KAZN: variants seen among roughly 807,000 people sequenced by gnomAD.
The protein encoded by KAZN is kazrin, periplakin interacting protein.
In KAZN, 40 loss-of-function variants were observed where a neutral mutation model predicts 87.4. The ratio of observed to expected loss-of-function variants is 0.46; its 90% CI spans 0.36 to 0.60. The LOEUF is 0.60. Among genes scored for constraint, KAZN ranks in the 20% least tolerant of loss-of-function variants. The probability of loss-of-function intolerance (pLI) is 0.00; values close to 1 mark genes in which losing one functional copy is unlikely to be tolerated. For missense variants in KAZN, 898 were observed against 1,073.9 expected (o/e 0.84, Z 2.29); for synonymous variants, 466 against 458.3 (o/e 1.02, Z -0.22).
chr1:14,415,047 A>T (rs1228959132), intron 2 of KAZN, among the ~76,000 whole-genome samples: 1 of 152,176 alleles, frequency 6.6e-6, no homozygotes, highest in Non-Finnish European at 1.5e-5. Context: ...ATACGTACGT[A>T]CATACATACA....
intron 2 of KAZN, among the ~76,000 whole-genome samples, chr1:14,228,447 C>T (rs992378792): frequency 6.6e-6 from 1 of 152,166 alleles, no homozygotes; most frequent in Non-Finnish European, 1.5e-5. Context: ...GACAATGTGA[C>T]CTCACCTAAT....
intron 2 of KAZN, among the ~76,000 whole-genome samples, chr1:14,378,932 A>T (rs538560141): frequency 1.1e-4 from 17 of 151,674 alleles, no homozygotes; most frequent in Admixed American, 1.1e-3. Flanking sequence ...GAGTGCATGC[A>T]CTGATCCCCC....
At chr1:14,166,041 A>ACTAACAT (rs1439178751) in intron 1 of KAZN, among the ~76,000 whole-genome samples, 1 of 152,222 alleles carries the variant, frequency 6.6e-6, no homozygotes, top group African/African-American at 2.4e-5. Context: ...AATTAAAAAA[A>ACTAACAT]CTAACATTCA....
intron 2 of KAZN, among the ~76,000 whole-genome samples, chr1:14,467,876 A>T (rs1041275276): frequency 6.6e-6 from 1 of 151,970 alleles, no homozygotes; most frequent in African/African-American, 2.4e-5. Flanking sequence ...CTTTTTCTCT[A>T]CTGTACCAGC....
At chr1:14,303,721 G>A (rs1051399679) in intron 2 of KAZN, among the ~76,000 whole-genome samples, 9 of 152,094 alleles carry the variant, frequency 5.9e-5, no homozygotes, top group Non-Finnish European at 1.2e-4. Flanking sequence ...TCCAAACTCT[G>A]TCCATCCTTC....
In KAZN at chr1:13,940,768, A is replaced by G. The variant is rs564343648; in HGVS notation, c.91+47012A>G. ...AATTTCTGCTGCTACCCTTACTGGG[A>G]CATTGCTTGGGTTCCATTTTTTTAA... On this transcript the variant is annotated intron_variant, in intron 1 of 16. Coordinates refer to the KAZN transcript ENST00000636203. 3.1e-4 allele frequency among the ~76,000 whole-genome samples: 47 copies of G among 152,340 alleles called. 1 individual carries two copies. The highest frequency in any genetic ancestry group is 8.4e-4 in the African/African-American group (35 of 41,580).
intron 1 of KAZN, among the ~76,000 whole-genome samples, chr1:14,663,074 G>A (rs1010658714): frequency 2.6e-5 from 4 of 151,582 alleles, no homozygotes; most frequent in South Asian, 2.1e-4. Flanking sequence ...GGGCTCAAGC[G>A]ATCTTCCTAC....
intron 1 of KAZN, among the ~76,000 whole-genome samples, chr1:14,718,547 G>T (rs1642926783): frequency 6.6e-6 from 1 of 152,230 alleles, no homozygotes; most frequent in Admixed American, 6.5e-5. Flanking sequence ...TCTGAATTAT[G>T]TGTGATTCTC....
intron 1 of KAZN, among the ~76,000 whole-genome samples, chr1:14,875,825 G>C (rs1289599174): frequency 2.0e-5 from 3 of 152,242 alleles, no homozygotes; most frequent in African/African-American, 7.2e-5. Context: ...TATCAAGAAA[G>C]AGGTTTTCTG....
chr1:14,741,278 G>A (rs1168815047), intron 1 of KAZN, among the ~76,000 whole-genome samples: 1 of 152,236 alleles, frequency 6.6e-6, no homozygotes, highest in African/African-American at 2.4e-5. Flanking sequence ...CCAGCACCCA[G>A]CACCATGCCT....
In KAZN at chr1:14,856,620, G is replaced by T. The variant is rs1311108220; in HGVS notation, c.227-104064G>T. Among the ~76,000 whole-genome samples the T allele has an allele frequency of 6.6e-6, 1 of 152,130 alleles. No homozygotes were observed. The highest frequency in any genetic ancestry group is 1.5e-5 in the Non-Finnish European group (1 of 68,036). ...AGCTCAACAATTCACTAAGTGTGAT[G>T]CAGCCACACATTCTTTGGGTTTTTA... On this transcript the variant is annotated intron_variant, in intron 1 of 14. Transcript: ENST00000376030. This position sits in a 1 kb window ranked among gnomAD's most constrained non-coding sequence, Gnocchi z 5.2.
intron 2 of KAZN, among the ~76,000 whole-genome samples, chr1:15,029,621 G>C (rs1025934877): frequency 3.3e-5 from 5 of 152,218 alleles, no homozygotes; most frequent in African/African-American, 1.2e-4. Context: ...CCATTTGTGA[G>C]AGGAAAGGCC....
intron 2 of KAZN, among the ~76,000 whole-genome samples, chr1:14,584,811 ATT>A (rs1421532187): frequency 6.6e-6 from 1 of 151,954 alleles, no homozygotes; most frequent in East Asian, 1.9e-4. Flanking sequence ...CGCCTGGCTA[ATT>A]TTGTATTTTA....
At chr1:14,412,607 TAAAAG>T (rs778894144) in intron 2 of KAZN, among the ~76,000 whole-genome samples, 6 of 152,006 alleles carry the variant, frequency 3.9e-5, no homozygotes, top group Admixed American at 6.6e-5. Context: ...TTAAAATACA[TAAAAG>T]AAGAGGAAAA....
chr1:14,466,797 T>C (rs1347542217), intron 2 of KAZN, among the ~76,000 whole-genome samples: 1 of 151,684 alleles, frequency 6.6e-6, no homozygotes, highest in Admixed American at 6.6e-5. Flanking sequence ...TGAAACCCTG[T>C]CTCTACTAAA....
At chr1:14,149,175 C>G (rs1050129563) in intron 1 of KAZN, among the ~76,000 whole-genome samples, 7 of 131,746 alleles carry the variant, frequency 5.3e-5, no homozygotes, top group African/African-American at 1.7e-4. Context: ...GATCTTGGCT[C>G]CTTGCAACCT....
intron 1 of KAZN, among the ~76,000 whole-genome samples, chr1:14,956,298 T>TAAAAAA (rs1663089363): frequency 2.4e-5 from 2 of 82,490 alleles, no homozygotes; most frequent in African/African-American, 1.8e-4. Flanking sequence ...CAGAAGTCAC[T>TAAAAAA]GAAAAAAAAA....
intron 1 of KAZN, among the ~76,000 whole-genome samples, chr1:14,103,222 G>C (rs529606209): frequency 3.2e-4 from 49 of 152,218 alleles, no homozygotes; most frequent in African/African-American, 1.1e-3. Flanking sequence ...TGCCTGGCCT[G>C]CTCTTCTTGT....
intron 2 of KAZN, among the ~76,000 whole-genome samples, chr1:14,384,262 C>G (rs1268387446): frequency 6.6e-6 from 1 of 151,868 alleles, no homozygotes; most frequent in Admixed American, 6.6e-5. Context: ...CATCTGCAAA[C>G]AGGGATAATT....
Sources: gnomAD v4.1 joint callset for allele counts (sites outside exome capture counted in the v4.1 genomes callset) on GRCh38, gnomAD v4.1.1 for gene constraint, Gnocchi (gnomAD v3.1) non-coding constraint, MANE v1.5 for transcripts, NCBI Gene and HGNC (gene_info 2026-07-23, HGNC 2026-07-21) for gene names.